The following CCND1 variants were observed in gnomAD, a reference collection of about 807,000 sequenced individuals.
CCND1 encodes G1/S-specific cyclin-D1.
A neutral mutation model predicts 26.1 loss-of-function variants in CCND1; 9 were observed. The ratio of observed to expected loss-of-function variants is 0.35; its 90% confidence interval spans 0.21 to 0.60. The LOEUF (loss-of-function observed/expected upper bound fraction) is 0.60. Ranked by LOEUF, CCND1 falls within the 20% of genes least tolerant of loss-of-function variation. The probability of loss-of-function intolerance (pLI) is 0.79; values close to 1 mark genes in which losing one functional copy is unlikely to be tolerated. For missense variants in CCND1, 335 were observed against 392.9 expected (o/e 0.85, Z 1.25); for synonymous variants, 194 against 166.1 (o/e 1.17, Z -1.29).
chr11:69,648,828 C>A (rs942042591), intron 4 of CCND1, among the ~76,000 whole-genome samples: 1 of 152,040 alleles, frequency 6.6e-6, no homozygotes, highest in Non-Finnish European at 1.5e-5. Context: ...CCTGCAAGAC[C>A]CGTTTTGGCT....
At chr11:69,648,673 G>C (rs1855815999) in intron 4 of CCND1, among the ~76,000 whole-genome samples, 1 of 151,662 alleles carries the variant, frequency 6.6e-6, no homozygotes, top group African/African-American at 2.4e-5. Flanking sequence ...TTATTCCCGA[G>C]TCTTTTCTTA....
At chr11:69,644,703 G>A (rs1855756888) in intron 3 of CCND1, among the ~76,000 whole-genome samples, 1 of 152,200 alleles carries the variant, frequency 6.6e-6, no homozygotes, top group African/African-American at 2.4e-5. Context: ...AGAACCCAGT[G>A]GGGACAGACT....
chr11:69,651,081 C>T (rs1266274197), intron 4 of CCND1, 37 bp from the exon 5 acceptor site: 21 of 1,593,630 alleles, frequency 1.3e-5, no homozygotes, highest in Non-Finnish European at 1.8e-5. Flanking sequence ...TTCTAAGGAC[C>T]CCCTCTTCCC....
At chr11:69,642,716 G>A (rs1232666880) in intron 1 of CCND1, among the ~76,000 whole-genome samples, 2 of 152,004 alleles carry the variant, frequency 1.3e-5, no homozygotes, top group African/African-American at 2.4e-5. Flanking sequence ...CAGTCAGAGG[G>A]ACCACGGAGC....
rs1423346455 is a variant in CCND1, at chr11:69,641,349, C to T, written c.36C>T (p.Thr12=). 6.2e-7 allele frequency: 1 copy of T among 1,613,084 alleles called. No individual in the cohort carries two copies. The highest frequency in any genetic ancestry group is 8.5e-7 in the Non-Finnish European group (1 of 1,180,026). The change falls in exon 1 of 5, where the codon ACC becomes ACT. Residue 12 remains threonine (T), a synonymous_variant. Transcript: ENST00000227507. ...AGCTCCTGTGCTGCGAAGTGGAAAC[C>T]ATCCGCCGCGCGTACCCCGATGCCA... is the stretch of plus-strand genomic sequence containing the variant. ...EHQLLCCEVE[T]IRRAYPDANL...
In CCND1 at chr11:69,643,951, C is replaced by T. The variant is rs2120094769; in HGVS notation, c.534C>T (p.Ile178=). 6.2e-7 allele frequency: 1 copy of T among 1,613,520 alleles called. No individual in the cohort carries two copies. The highest frequency in any genetic ancestry group is 1.7e-5 in the Admixed American group (1 of 60,028). ...AGGCGGAGGAGAACAAACAGATCAT[C>T]CGCAAACACGCGCAGACCTTCGTTG... ...MPEAEENKQI[I]RKHAQTFVAL... The change falls in exon 3 of 5, where the codon ATC becomes ATT. Residue 178 remains isoleucine (I), a synonymous_variant. Transcript: ENST00000227507.
chr11:69,651,904 AGATG>A lies in CCND1; in HGVS notation c.*623_*626del, dbSNP rs1855860833. On this transcript the variant is annotated 3_prime_UTR_variant, in exon 5 of 5. Coordinates refer to ENST00000227507, the MANE Select transcript of CCND1 (RefSeq NM_053056.3). ...TTGTATGTTATTATATTCCGTAGGTAGATGTGTAACCTCTTCACCTTATTCATGG... is the reference window on the plus strand; with the variant it reads ...TTGTATGTTATTATATTCCGTAGGTATGTAACCTCTTCACCTTATTCATGG... The A allele has an allele frequency of 4.3e-6, 1 of 232,882 alleles. No homozygotes were observed. The highest frequency in any genetic ancestry group is 8.5e-6 in the Non-Finnish European group (1 of 117,900). 14.4% of individuals were successfully genotyped at this position (232,882 alleles called of 1,614,324 possible). A position where few individuals can be genotyped will look rare whatever the true frequency, so the allele number is the denominator to read the frequency against.
At chr11:69,646,161 A>C (rs910853812) in intron 3 of CCND1, among the ~76,000 whole-genome samples, 2 of 152,146 alleles carry the variant, frequency 1.3e-5, no homozygotes, top group African/African-American at 4.8e-5. Flanking sequence ...AGCCAGCTAG[A>C]ACCTGTCGCT....
intron 3 of CCND1, among the ~76,000 whole-genome samples, chr11:69,645,425 G>A (rs564768193): frequency 6.6e-6 from 1 of 152,170 alleles, no homozygotes; most frequent in Non-Finnish European, 1.5e-5. Flanking sequence ...GCAGATTCTC[G>A]TCCTTCCCAC....
rs984643266 is a variant in CCND1, at chr11:69,648,108, C to A, written c.689C>A (p.Thr230Lys). ...AACTTCCTGTCCTACTACCGCCTCA[C>A]ACGCTTCCTCTCCAGAGTGATCAAG... ...PNNFLSYYRL[T>K]RFLSRVIKCD... The change falls in exon 4 of 5, where the codon ACA (threonine) becomes AAA (lysine). Residue 230 changes from threonine (T) to lysine (K), a missense_variant. By Grantham distance (78) the Thr-to-Lys change is moderately conservative. Transcript: ENST00000227507. 6.2e-7 allele frequency: 1 copy of A among 1,613,840 alleles called. No individual in the cohort carries two copies. The highest frequency in any genetic ancestry group is 8.5e-7 in the Non-Finnish European group (1 of 1,180,026).
intron 3 of CCND1, among the ~76,000 whole-genome samples, chr11:69,646,631 G>A (rs1855785449): frequency 6.6e-6 from 1 of 152,180 alleles, no homozygotes; most frequent in Non-Finnish European, 1.5e-5. Context: ...CAGGGCCCCT[G>A]GTTCCTGTGC....
chr11:69,641,977 T>G (rs1855709181), intron 1 of CCND1, among the ~76,000 whole-genome samples: 1 of 151,666 alleles, frequency 6.6e-6, no homozygotes, highest in Non-Finnish European at 1.5e-5. Context: ...CCATCTTTGC[T>G]CTTTTATTGC....
At position 69,641,516 on chromosome 11, in the gene CCND1, G is replaced by T. The variant is rs752676953; in HGVS notation, c.198+5G>T. On this transcript the variant is annotated splice_donor_5th_base_variant and intron_variant, in intron 1 of 4. Transcript: ENST00000227507. Reference sequence around the variant, plus strand: ...GTCGCCACCTGGATGCTGGAGGTGCGGGGCTTCGGGCGGCTCTCTTAAGAC... The same window carrying T: ...GTCGCCACCTGGATGCTGGAGGTGCTGGGCTTCGGGCGGCTCTCTTAAGAC... 1 of 1,612,516 alleles carries T rather than the reference G, an allele frequency of 6.2e-7. No homozygotes were observed. The highest frequency in any genetic ancestry group is 2.2e-5 in the East Asian group (1 of 44,864).
In CCND1 at chr11:69,653,856, A is replaced by G; in HGVS notation, c.*2574A>G. ...GACTCTCATTCGGGATGATTGGAAT[A>G]GCTTCTGGAATTTGTTCAAGTTTTG... is the stretch of plus-strand genomic sequence containing the variant. On this transcript the variant is annotated 3_prime_UTR_variant, in exon 5 of 5. Coordinates refer to ENST00000227507, the MANE Select transcript of CCND1 (RefSeq NM_053056.3). The G allele has an allele frequency of 2.7e-6, 1 of 368,744 alleles. No homozygotes were observed. Among genetic ancestry groups the G allele is most frequent in the East Asian group, 4.2e-5 (1 of 24,002 alleles). 22.8% of individuals were successfully genotyped at this position (368,744 alleles called of 1,614,324 possible).
Position 69,641,370 on chromosome 11 carries a change from T to A in CCND1, c.57T>A (p.Asp19Glu), listed in dbSNP as rs1417631865. Residue 19 changes from aspartate to glutamate, a missense_variant, in exon 1 of 5, where the codon GAT (aspartate) becomes GAA (glutamate). Coordinates refer to ENST00000227507, the MANE Select transcript of CCND1 (RefSeq NM_053056.3). ...AAACCATCCGCCGCGCGTACCCCGATGCCAACCTCCTCAACGACCGGGTGC... is the reference window on the plus strand; with the variant it reads ...AAACCATCCGCCGCGCGTACCCCGAAGCCAACCTCCTCAACGACCGGGTGC... ...EVETIRRAYP[D>E]ANLLNDRVLR... 6.2e-7 allele frequency: 1 copy of A among 1,613,310 alleles called. No individual in the cohort carries two copies. The highest frequency in any genetic ancestry group is 1.3e-5 in the African/African-American group (1 of 75,030).
Position 69,653,449 on chromosome 11 carries a change from A to G in CCND1, c.*2167A>G, listed in dbSNP as rs1855881521. ...TTTTTTTTTTATGTGATCAATTTTG[A>G]CTTAATGTGATTACTGCTCTATTCC... is the stretch of plus-strand genomic sequence containing the variant. On this transcript the variant is annotated 3_prime_UTR_variant, in exon 5 of 5. Transcript: ENST00000227507. The G allele has an allele frequency of 6.6e-6, 4 of 604,022 alleles. No individual in the cohort carries two copies. Among genetic ancestry groups the G allele is most frequent in the Non-Finnish European group, 1.2e-5 (4 of 346,970 alleles). The allele number at this position is 604,022 out of a possible 1,614,324, so 37.4% of individuals were successfully genotyped here.
intron 1 of CCND1, among the ~76,000 whole-genome samples, chr11:69,642,276 G>A (rs1221542678): frequency 6.6e-6 from 1 of 152,222 alleles, no homozygotes; most frequent in Admixed American, 6.5e-5. Context: ...CAGGGATATC[G>A]GCTTGGAGGA....
intron 3 of CCND1, 94 bp downstream of exon 3, chr11:69,644,085 G>T: frequency 1.1e-5 from 14 of 1,268,288 alleles, no homozygotes; most frequent in Non-Finnish European, 1.6e-5. Context: ...GGTGCTGTCT[G>T]GGAAGATGTC....
chr11:69,644,090 G>C, intron 3 of CCND1, 99 bp downstream of exon 3: 2 of 1,173,838 alleles, frequency 1.7e-6, no homozygotes, highest in South Asian at 1.3e-5. Context: ...TGTCTGGGAA[G>C]ATGTCCCCAG....
Sources: gnomAD v4.1 joint callset for allele counts (sites outside exome capture counted in the v4.1 genomes callset) on GRCh38, gnomAD v4.1.1 for gene constraint, MANE v1.5 for transcripts, NCBI Gene and HGNC (gene_info 2026-07-23, HGNC 2026-07-21) for gene names.